The following KLHL25 variants were observed in gnomAD, a reference collection of about 807,000 sequenced individuals.
KLHL25 encodes the protein kelch like family member 25.
Under a neutral mutation model 30.0 loss-of-function variants are expected in KLHL25, and 41 were observed. The observed-to-expected ratio is 1.37, with a 90% CI of 1.07 to 1.78. The LOEUF (loss-of-function observed/expected upper bound fraction) is 1.78, where lower values mean the gene tolerates loss of function less well. Ranked by LOEUF, KLHL25 falls within the 40% of genes most tolerant of loss-of-function variation. The probability of loss-of-function intolerance (pLI) is 0.00; values close to 1 mark genes in which losing one functional copy is unlikely to be tolerated. For synonymous variants in KLHL25, 399 were observed against 355.3 expected (o/e 1.12, Z -1.38); for missense variants, 971 against 824.5 (o/e 1.18, Z -2.18).
At chr15:85,772,454 G>A (rs2089682541) in intron 1 of KLHL25, among the ~76,000 whole-genome samples, 1 of 152,254 alleles carries the variant, frequency 6.6e-6, no homozygotes, top group African/African-American at 2.4e-5. Context: ...TTGAATGCCT[G>A]GGCTTGGACA....
chr15:85,780,318 TATCCAGAGCAAGCC>T (rs1282063612), intron 1 of KLHL25, among the ~76,000 whole-genome samples: 1 of 152,190 alleles, frequency 6.6e-6, no homozygotes, highest in Non-Finnish European at 1.5e-5. Context: ...TCCTTCCACT[TATCCAGAGCAAGCC>T]AGAGACAGAA....
chr15:85,765,837 A>AAAAAAAAG (rs2089619892), intron 2 of KLHL25, among the ~76,000 whole-genome samples: 1 of 151,550 alleles, frequency 6.6e-6, no homozygotes, highest in Non-Finnish European at 1.5e-5. Flanking sequence ...TCAAAAAAAA[A>AAAAAAAAG]AAAAAGAAAA....
rs567307438 is a variant in KLHL25 at position 85,768,698 on chromosome 15, C to T, written c.1113G>A (p.Ala371=). The T allele has an allele frequency of 3.3e-5, 54 of 1,613,348 alleles. 1 individual carries two copies. Among genetic ancestry groups the T allele is most frequent in the Middle Eastern group, 3.3e-4 (2 of 6,062 alleles). The change falls in exon 2 of 3, where the codon GCG becomes GCA. Residue 371 remains alanine (A), a synonymous_variant. Transcript: ENST00000337975. ...CAAAGCGGGCAATCAGCATGGGCGC[C>T]GCCTTGGACCATTCCTCATGTACGG... The part of the protein sequence containing the change: ...YDTVHEEWSK[A]APMLIARFGH...
chr15:85,767,939 C>G (rs1431920728), intron 2 of KLHL25, 78 bp downstream of exon 2: 1 of 951,528 alleles, frequency 1.1e-6, no homozygotes, highest in Admixed American at 2.7e-5. Context: ...GTGACCTTCA[C>G]CCAGTGGGAA....
intron 1 of KLHL25, among the ~76,000 whole-genome samples, chr15:85,787,648 G>C (rs1294283705): frequency 6.6e-6 from 1 of 152,208 alleles, no homozygotes; most frequent in East Asian, 1.9e-4. Context: ...ATTACCTAAA[G>C]TCTCTCCTTA....
chr15:85,774,520 G>A (rs969789682), intron 1 of KLHL25, among the ~76,000 whole-genome samples: 15 of 152,190 alleles, frequency 9.9e-5, no homozygotes, highest in African/African-American at 3.6e-4. Context: ...ACTCACAGAA[G>A]ATTCCAGTGA....
chr15:85,773,846 G>A (rs545303147), intron 1 of KLHL25, among the ~76,000 whole-genome samples: 5 of 152,136 alleles, frequency 3.3e-5, no homozygotes, highest in East Asian at 3.9e-4. Flanking sequence ...CCTCTGGTCC[G>A]CCCCCTTTTG....
chr15:85,764,995 A>G (rs567927800), intron 2 of KLHL25, among the ~76,000 whole-genome samples: 65 of 152,260 alleles, frequency 4.3e-4, no homozygotes, highest in Non-Finnish European at 6.0e-4. Context: ...GGGAGAGTAC[A>G]TGGTTCACCA....
At chr15:85,791,874 C>T (rs201080472) in intron 1 of KLHL25, among the ~76,000 whole-genome samples, 2 of 152,218 alleles carry the variant, frequency 1.3e-5, no homozygotes, top group East Asian at 3.9e-4. Flanking sequence ...AGACCCACAG[C>T]ATTTGAACCC....
intron 1 of KLHL25, among the ~76,000 whole-genome samples, chr15:85,777,572 C>G (rs578005059): frequency 5.3e-5 from 8 of 152,194 alleles, no homozygotes; most frequent in Non-Finnish European, 1.2e-4. Flanking sequence ...TTTCACGTAA[C>G]GCACCCAAAC....
chr15:85,764,748 G>C (rs997416411), intron 2 of KLHL25, among the ~76,000 whole-genome samples: 7 of 152,182 alleles, frequency 4.6e-5, no homozygotes, highest in Admixed American at 1.3e-4. Flanking sequence ...AAAACCATCA[G>C]CATCAGCATC....
intron 2 of KLHL25, chr15:85,762,585 T>C (rs2089590427): frequency 1.3e-5 from 2 of 152,434 alleles, no homozygotes; most frequent in Admixed American, 6.5e-5. Context: ...CTGCACTTCC[T>C]GTGTGCAGCA....
intron 1 of KLHL25, among the ~76,000 whole-genome samples, chr15:85,781,426 A>G (rs1035009051): frequency 1.3e-5 from 2 of 152,234 alleles, no homozygotes; most frequent in African/African-American, 4.8e-5. Flanking sequence ...CTCTCCACCA[A>G]GAGAATCTCA....
intron 1 of KLHL25, among the ~76,000 whole-genome samples, chr15:85,780,920 C>G (rs1464938663): frequency 6.6e-6 from 1 of 152,324 alleles, no homozygotes; most frequent in South Asian, 2.1e-4. Flanking sequence ...AATGGTTACA[C>G]ACCGCAGCAT....
chr15:85,771,091 C>A, intron 1 of KLHL25: 1 of 187,768 alleles, frequency 5.3e-6, no homozygotes, highest in Non-Finnish European at 1.2e-5. Context: ...ATCAGGAATT[C>A]ACTGACCACC....
At position 85,765,492 on chromosome 15, in the gene KLHL25, G is replaced by A. The variant is rs374082263; in HGVS notation, c.*24+2525C>T. On this transcript the variant is annotated intron_variant, in intron 2 of 2. Coordinates refer to ENST00000337975, the MANE Select transcript of KLHL25 (RefSeq NM_022480.4). ...AATACAAAAATTAGCTGGGCATGGT[G>A]GCAGATGCCTGTAATCCCAGCTACT... Among the ~76,000 whole-genome samples, 8 of 152,178 alleles carry A rather than the reference G, an allele frequency of 5.3e-5. No homozygotes were observed. The South Asian group carries it at 1.7e-3, about 32-fold the overall frequency.
In KLHL25 at chr15:85,769,169, G is replaced by A. The variant is rs1176984905; in HGVS notation, c.642C>T (p.Ile214=). The part of the protein sequence containing the change: ...TEDERVVFEA[I]LQWVKHDLEP... The stretch of plus-strand genomic sequence containing the variant: ...CCAGGTCGTGCTTCACCCACTGGAG[G>A]ATGGCCTCGAAGACCACCCGCTCGT... The change falls in exon 2 of 3, where the codon ATC becomes ATT. Residue 214 remains isoleucine (I), a synonymous_variant. Coordinates refer to ENST00000337975, the MANE Select transcript of KLHL25 (RefSeq NM_022480.4). The A allele has an allele frequency of 6.2e-7, 1 of 1,613,280 alleles. No homozygotes were observed. The highest frequency in any genetic ancestry group is 8.5e-7 in the Non-Finnish European group (1 of 1,179,838).
At position 85,769,058 on chromosome 15, in the gene KLHL25, G is replaced by A; in HGVS notation, c.753C>T (p.Ser251=). 1 of 1,606,992 alleles carries A rather than the reference G, an allele frequency of 6.2e-7. No individual in the cohort carries two copies. Among genetic ancestry groups the A allele is most frequent in the Non-Finnish European group, 8.5e-7 (1 of 1,176,044 alleles). The change falls in exon 2 of 3, where the codon TCC becomes TCT. Residue 251 remains serine, a synonymous_variant. Transcript: ENST00000337975. ...CGTCTGCCATGAGGAGGGCCTCGCTGGAGACGGCCTCCTGCAGGCAGTCGG... is the reference window on the plus strand; with the variant it reads ...CGTCTGCCATGAGGAGGGCCTCGCTAGAGACGGCCTCCTGCAGGCAGTCGG... ...LPSDCLQEAV[S]SEALLMADER... is the part of the protein sequence containing the mutation.
At chr15:85,770,067 C>G (rs781126093) in intron 1 of KLHL25, among the ~76,000 whole-genome samples, 11 of 152,252 alleles carry the variant, frequency 7.2e-5, no homozygotes, top group African/African-American at 4.8e-5. Flanking sequence ...ACAAACATCT[C>G]TGGCCTGCAG....
Sources: allele counts gnomAD v4.1 joint callset (sites outside exome capture counted in the v4.1 genomes callset), GRCh38; gene constraint gnomAD v4.1.1; transcripts MANE v1.5; gene names NCBI Gene and HGNC (gene_info 2026-07-23, HGNC 2026-07-21).